The following ZC3H13 variants were observed in gnomAD, a reference collection of about 807,000 sequenced individuals.
ZC3H13 encodes zinc finger CCCH domain-containing protein 13.
A neutral mutation model predicts 204.1 loss-of-function variants in ZC3H13; 64 were observed. The ratio of observed to expected loss-of-function variants is 0.31; its 90% confidence interval spans 0.26 to 0.39. The LOEUF (loss-of-function observed/expected upper bound fraction) is 0.39, where lower values mean the gene tolerates loss of function less well. ZC3H13 is among the 10% of genes least tolerant of loss of function. ZC3H13 has a pLI of 1.00. For missense variants in ZC3H13, 1,833 were observed against 2,082.7 expected (o/e 0.88, Z 2.33); for synonymous variants, 667 against 693.7 (o/e 0.96, Z 0.60).
At chr13:46,044,322 T>C (rs2043796114) in intron 3 of ZC3H13, among the ~76,000 whole-genome samples, 2 of 152,086 alleles carry the variant, frequency 1.3e-5, no homozygotes, top group South Asian at 2.1e-4. Flanking sequence ...ACAAACTTTA[T>C]GTATATTACA....
Position 45,963,817 on chromosome 13 carries a change from T to C in ZC3H13, c.4675+25A>G, listed in dbSNP as rs543766875. 29 of 1,613,332 alleles carry C rather than the reference T, an allele frequency of 1.8e-5. No homozygotes were observed. The South Asian group carries it at 3.0e-4, about 17-fold the overall frequency. ...CATCTTAAATGGTTAACAGACATTA[T>C]ATAGTTAAAGTAAAATGAAACTACC... On this transcript the variant is annotated intron_variant, in intron 17 of 18. Transcript: ENST00000679008.
At chr13:46,042,729 TAAG>T (rs1412372276) in intron 3 of ZC3H13, among the ~76,000 whole-genome samples, 2 of 152,038 alleles carry the variant, frequency 1.3e-5, no homozygotes, top group African/African-American at 2.4e-5. Flanking sequence ...CTGAAAGATA[TAAG>T]AAGATATTAC....
intron 17 of ZC3H13, among the ~76,000 whole-genome samples, chr13:45,961,586 A>T: frequency 1.8e-5 from 1 of 56,478 alleles, no homozygotes. Context: ...GGGGGTGGGG[A>T]GTTGGGGGGA....
In ZC3H13 at chr13:45,970,457, T is replaced by C. The variant is rs997438487; in HGVS notation, c.2477A>G (p.Tyr826Cys). The change falls in exon 13 of 19, where the codon TAT (tyrosine) becomes TGT (cysteine). Residue 826 changes from tyrosine (Y) to cysteine (C), a missense_variant. By Grantham distance (194) the Tyr-to-Cys change is radical (BLOSUM62 -2). Around this residue, in one of 5 missense-constraint regions of ZC3H13, gnomAD observed 1,574 missense variants for 1,757.2 expected, o/e 0.90. Transcript: ENST00000679008. ...AGGGCTGGGACTCCCTTCATTTCTA[T>C]AGCGCTTCCTAAATTGGACAAGCAA... ...GHDERKSKKR[Y>C]RNEGSPSPRQ... The C allele has an allele frequency of 7.7e-5, 124 of 1,611,374 alleles. No individual in the cohort carries two copies. The highest frequency in any genetic ancestry group is 1.0e-4 in the Non-Finnish European group (123 of 1,178,948).
chr13:45,989,636 TAC>T (rs2138275868), intron 8 of ZC3H13, among the ~76,000 whole-genome samples: 1 of 152,342 alleles, frequency 6.6e-6, no homozygotes, highest in Admixed American at 6.5e-5. Flanking sequence ...ACAAAATATA[TAC>T]TGTCTTTAAC....
Position 45,969,124 on chromosome 13 carries a change from A to T in ZC3H13, c.3420T>A (p.Ser1140=). ...FSTSAITIST[S]ATPTNTTNNT... ...TATTGGTGGTATTGGTGGGGGTGGCAGAGGTGGAAATAGTGATGGCAGATG... is the reference window on the plus strand; with the variant it reads ...TATTGGTGGTATTGGTGGGGGTGGCTGAGGTGGAAATAGTGATGGCAGATG... Residue 1140 remains serine, a synonymous_variant, in exon 14 of 19, where the codon TCT becomes TCA. Transcript: ENST00000679008. The T allele has an allele frequency of 6.2e-7, 1 of 1,614,104 alleles. No homozygotes were observed. Among genetic ancestry groups the T allele is most frequent in the Non-Finnish European group, 8.5e-7 (1 of 1,180,006 alleles).
chr13:46,006,999 C>T (rs1002493164), intron 7 of ZC3H13, among the ~76,000 whole-genome samples: 1 of 151,866 alleles, frequency 6.6e-6, no homozygotes, highest in African/African-American at 2.4e-5. Flanking sequence ...TGATAAATAT[C>T]TGTATTTCTG....
At chr13:46,014,565 C>G (rs910402506) in intron 5 of ZC3H13, among the ~76,000 whole-genome samples, 3 of 152,154 alleles carry the variant, frequency 2.0e-5, no homozygotes, top group Non-Finnish European at 4.4e-5. Context: ...TTATGTGTAT[C>G]AGTTTTTAAC....
At chr13:46,034,990 C>T (rs1421155830) in intron 4 of ZC3H13, among the ~76,000 whole-genome samples, 1 of 152,122 alleles carries the variant, frequency 6.6e-6, no homozygotes, top group Admixed American at 6.5e-5. Flanking sequence ...AAACAATACC[C>T]CACTAGCACA....
intron 8 of ZC3H13, among the ~76,000 whole-genome samples, chr13:45,995,731 T>C: frequency 1.3e-5 from 2 of 152,200 alleles, no homozygotes; most frequent in Non-Finnish European, 2.9e-5. Flanking sequence ...TAGTAAGCTT[T>C]CTGAGGCCCC....
chr13:46,006,320 G>T (rs1253895816), intron 7 of ZC3H13, among the ~76,000 whole-genome samples: 4 of 151,886 alleles, frequency 2.6e-5, no homozygotes, highest in Non-Finnish European at 5.9e-5. Context: ...TGCTCAGGGA[G>T]ATTGATTAAT....
intron 4 of ZC3H13, among the ~76,000 whole-genome samples, chr13:46,034,189 A>G (rs1035709917): frequency 1.3e-5 from 2 of 152,222 alleles, no homozygotes; most frequent in African/African-American, 4.8e-5. Context: ...AAAATTATTC[A>G]GTGTAGGTGG....
intron 4 of ZC3H13, among the ~76,000 whole-genome samples, chr13:46,029,601 T>C (rs1193604686): frequency 2.0e-5 from 3 of 151,734 alleles, no homozygotes; most frequent in Non-Finnish European, 4.4e-5. Context: ...GCTAATTTTT[T>C]GTATTTTTAG....
At chr13:45,982,416 A>G (rs1470078549) in intron 10 of ZC3H13, among the ~76,000 whole-genome samples, 7 of 152,172 alleles carry the variant, frequency 4.6e-5, no homozygotes, top group Admixed American at 6.5e-5. Flanking sequence ...AAACAGATAA[A>G]GAGATGAAAA....
chr13:46,038,765 G>A (rs993547945), intron 4 of ZC3H13, among the ~76,000 whole-genome samples: 22 of 152,190 alleles, frequency 1.4e-4, no homozygotes, highest in Admixed American at 1.4e-3. Flanking sequence ...GCTCATGCCT[G>A]TAATCCCAGG....
intron 4 of ZC3H13, among the ~76,000 whole-genome samples, chr13:46,032,362 C>CAAAAAAAAAAAAAAA (rs11323386): frequency 6.0e-5 from 6 of 99,662 alleles, no homozygotes; most frequent in Non-Finnish European, 1.3e-4. Context: ...AGAAAAAGAC[C>CAAAAAAAAAAAAAAA]AAAAAAAAAA....
intron 7 of ZC3H13, among the ~76,000 whole-genome samples, chr13:46,005,255 T>C (rs1247455262): frequency 6.6e-6 from 1 of 152,226 alleles, no homozygotes; most frequent in African/African-American, 2.4e-5. Flanking sequence ...AACTTTTTAC[T>C]CAATTTCTTC....
At chr13:45,963,184 G>A (rs41284151) in intron 17 of ZC3H13, 138 of 970,744 alleles carry the variant, frequency 1.4e-4, no homozygotes, top group Non-Finnish European at 3.7e-6. Context: ...TTAAGTAATA[G>A]CCAGTAAGTG....
At chr13:46,023,277 C>T (rs2042332432) in intron 4 of ZC3H13, among the ~76,000 whole-genome samples, 2 of 152,158 alleles carry the variant, frequency 1.3e-5, no homozygotes, top group African/African-American at 4.8e-5. Flanking sequence ...TGTGCTGTTG[C>T]ACCCTTTCTT....
Sources: gnomAD v4.1 joint callset for allele counts (sites outside exome capture counted in the v4.1 genomes callset) on GRCh38, gnomAD v4.1.1 for gene constraint, gnomAD v4.1.1 regional missense constraint, MANE v1.5 for transcripts, NCBI Gene and HGNC (gene_info 2026-07-23, HGNC 2026-07-21) for gene names.